Variants in PRDM1 observed in about 807,000 individuals in gnomAD.
The protein encoded by PRDM1 is PR/SET domain 1, also known as PR domain zinc finger protein 1.
In PRDM1, 13 loss-of-function variants were observed where a neutral mutation model predicts 62.8. The ratio of observed to expected loss-of-function variants is 0.21; its 90% CI spans 0.13 to 0.33. PRDM1 has a LOEUF of 0.33. Among genes scored for constraint, PRDM1 ranks in the 10% least tolerant of loss-of-function variants. The probability of loss-of-function intolerance (pLI) is 1.00; values close to 1 mark genes in which losing one functional copy is unlikely to be tolerated. For synonymous variants in PRDM1, 396 were observed against 417.6 expected (o/e 0.95, Z 0.63); for missense variants, 895 against 1,058.8 (o/e 0.85, Z 2.15).
intron 1 of PRDM1, among the ~76,000 whole-genome samples, chr6:106,014,240 T>C (rs1582426178): frequency 6.6e-6 from 1 of 151,750 alleles, no homozygotes; most frequent in African/African-American, 2.4e-5. Flanking sequence ...GTTATTTCTT[T>C]GTAGAGACAG....
At chr6:106,044,255 T>A (rs1773042854), upstream of PRDM1, among the ~76,000 whole-genome samples, 1 of 151,242 alleles carries the variant, frequency 6.6e-6, no homozygotes, top group Non-Finnish European at 1.5e-5. Flanking sequence ...ATTCTATGAG[T>A]CTGGCTGACA....
chr6:106,024,074 T>C (rs1772733333), intron 1 of PRDM1, among the ~76,000 whole-genome samples: 1 of 151,802 alleles, frequency 6.6e-6, no homozygotes, highest in South Asian at 2.1e-4. Context: ...CCCAGGAGGT[T>C]GAGGCTGCAA....
chr6:106,106,856 A>C lies in PRDM1; in HGVS notation c.1903-55A>C. ...CCTGCCCCTCCCGTTGGCAACTCTT[A>C]ATCTTCTGGCCTTCCTGTCTCCCTT... On this transcript the variant is annotated intron_variant, in intron 6 of 6. Coordinates refer to ENST00000369096, the MANE Select transcript of PRDM1 (RefSeq NM_001198.4). This position sits in a 1 kb window ranked among gnomAD's most constrained non-coding sequence, Gnocchi z 4.4. 1.3e-6 allele frequency: 2 copies of C among 1,528,496 alleles called. No individual in the cohort carries two copies. The highest frequency in any genetic ancestry group is 1.8e-6 in the Non-Finnish European group (2 of 1,125,424). 94.7% of individuals were successfully genotyped at this position (1,528,496 alleles called of 1,614,324 possible).
At chr6:106,080,323 G>A (rs575326267) in intron 1 of PRDM1, among the ~76,000 whole-genome samples, 16 of 152,302 alleles carry the variant, frequency 1.1e-4, no homozygotes, top group South Asian at 2.1e-4. Flanking sequence ...TGATGTGCCC[G>A]TGAGCATGAT....
intron 1 of PRDM1, among the ~76,000 whole-genome samples, chr6:106,067,260 T>G (rs1773447512): frequency 1.3e-5 from 2 of 152,194 alleles, no homozygotes; most frequent in African/African-American, 4.8e-5. Flanking sequence ...GGTCAAAAAC[T>G]TAGTGGATAA....
Position 106,107,157 on chromosome 6 carries a change from G to C in PRDM1, c.2149G>C (p.Gly717Arg). 1 of 1,614,234 alleles carries C rather than the reference G, an allele frequency of 6.2e-7. No homozygotes were observed. The highest frequency in any genetic ancestry group is 8.5e-7 in the Non-Finnish European group (1 of 1,180,052). ...GAACTGCGCTGCGGCCCCGGCGCCT[G>C]GGCTGCCCTTGGAAGATCTGACCCG... ...KGNCAAAPAP[G>R]LPLEDLTRIN... is the part of the protein sequence containing the mutation. The change falls in exon 7 of 7, where the codon GGG becomes CGG. Residue 717 changes from glycine to arginine, a missense_variant. Physicochemically the swap from Gly to Arg is moderately radical, Grantham distance 125. Transcript: ENST00000369096.
At position 106,024,336 on chromosome 6, in the gene PRDM1, T is replaced by C. The variant is rs190816839; in HGVS notation, c.-67+30697T>C. 5.3e-5 allele frequency among the ~76,000 whole-genome samples: 8 copies of C among 152,322 alleles called. No individual in the cohort carries two copies. The East Asian group carries it at 1.2e-3, about 22-fold the overall frequency. ...ATTTCGAGAAATGGCCTTTAAACAA[T>C]TGTCATACGTTAATATATTATTGTT... is the stretch of plus-strand genomic sequence containing the variant. On this transcript the variant is annotated intron_variant, in intron 1 of 6. Coordinates refer to the PRDM1 transcript ENST00000652320.
intron 4 of PRDM1, chr6:106,100,014 A>G (rs1774223162): frequency 6.4e-6 from 1 of 155,164 alleles, no homozygotes; most frequent in Admixed American, 6.3e-5. Context: ...CTTTGTCATA[A>G]TTTTTCAATA....
intron 1 of PRDM1, among the ~76,000 whole-genome samples, chr6:106,034,526 T>C (rs1001651652): frequency 6.6e-6 from 1 of 151,980 alleles, no homozygotes; most frequent in Non-Finnish European, 1.5e-5. Context: ...TGTTTTAAAT[T>C]TCTACAAATT....
chr6:106,046,271 GC>G (rs1221447061), upstream of PRDM1: 1 of 152,224 alleles, frequency 6.6e-6, no homozygotes, highest in Admixed American at 6.5e-5. Flanking sequence ...GGGAGGGGAG[GC>G]AGCTGCTGCT....
rs1774531205 is a variant in PRDM1 at position 106,107,505 on chromosome 6, AT to A, written c.*23del. ...TCCTTAAGATTTTCAGAAAACACTT[AT>A]TTTGTTTCTTAAGTTATGACTTGGT... On this transcript the variant is annotated 3_prime_UTR_variant, in exon 7 of 7. Coordinates refer to ENST00000369096, the MANE Select transcript of PRDM1 (RefSeq NM_001198.4). The A allele has an allele frequency of 1.3e-6, 2 of 1,572,452 alleles. No homozygotes were observed. Among genetic ancestry groups the A allele is most frequent in the Middle Eastern group, 1.7e-4 (1 of 5,850 alleles).
intron 5 of PRDM1, 60 bp downstream of exon 5, chr6:106,105,993 G>T: frequency 1.3e-6 from 2 of 1,551,634 alleles, no homozygotes; most frequent in Non-Finnish European, 1.7e-6. Flanking sequence ...TTTGTATTTA[G>T]CTTGCTTTCC....
At position 106,086,465 on chromosome 6, in the gene PRDM1, A is replaced by G. The variant is rs2114614110; in HGVS notation, c.-89A>G. On this transcript the variant is annotated 5_prime_UTR_variant, in exon 1 of 7. Transcript: ENST00000369096. ...GGGCGGCCGGACGAAGCGAGGAGGG[A>G]CCGCCGAGGTGCGCGTCTGTGCGGC... 9.7e-6 allele frequency: 13 copies of G among 1,335,042 alleles called. No individual in the cohort carries two copies. The highest frequency in any genetic ancestry group is 1.3e-5 in the Non-Finnish European group (13 of 965,254). 82.7% of individuals were successfully genotyped at this position (1,335,042 alleles called of 1,614,324 possible). A position where few individuals can be genotyped will look rare whatever the true frequency, so the allele number is the denominator to read the frequency against.
Position 106,106,778 on chromosome 6 carries a change from G to C in PRDM1, c.1903-133G>C, listed in dbSNP as rs1774503421. On this transcript the variant is annotated intron_variant, in intron 6 of 6. Coordinates refer to ENST00000369096, the MANE Select transcript of PRDM1 (RefSeq NM_001198.4). This position sits in a 1 kb window ranked among gnomAD's most constrained non-coding sequence, Gnocchi z 4.4. ...CCCGTTTGCTTAATACCACACTGGA[G>C]GTGCCACAAGGAGGCTTCTCACCTC... 89 of 1,063,410 alleles carry C rather than the reference G, an allele frequency of 8.4e-5. 2 individuals carry two copies. The South Asian group carries it at 1.3e-3, about 16-fold the overall frequency. The allele number at this position is 1,063,410 out of a possible 1,614,324, so 65.9% of individuals were successfully genotyped here.
At position 106,088,328 on chromosome 6, in the gene PRDM1, A is replaced by C. The variant is rs1773866703; in HGVS notation, c.170A>C (p.Lys57Thr). 1.2e-6 allele frequency: 2 copies of C among 1,614,056 alleles called. No homozygotes were observed. The highest frequency in any genetic ancestry group is 1.1e-5 in the South Asian group (1 of 91,082). Residue 57 changes from lysine (K) to threonine (T), a missense_variant, in exon 2 of 7, where the codon AAG becomes ACG. This residue lies in a region of PRDM1 where 213 missense variants were observed against 283.9 expected (regional missense o/e 0.75). Transcript: ENST00000369096. The part of the protein sequence containing the change: ...TLWTEAEFEE[K>T]CTYIVNDHPW... Reference sequence around the variant, plus strand: ...TGGACAGAGGCTGAGTTTGAAGAGAAGTGTACATACATTGTGAACGACCAC... The same window carrying C: ...TGGACAGAGGCTGAGTTTGAAGAGACGTGTACATACATTGTGAACGACCAC...
At chr6:105,992,782 G>T (rs1303213672), upstream of PRDM1, among the ~76,000 whole-genome samples, 3 of 152,380 alleles carry the variant, frequency 2.0e-5, no homozygotes, top group East Asian at 5.8e-4. Flanking sequence ...AACCTCGAGA[G>T]CTGGACGTCC....
intron 2 of PRDM1, among the ~76,000 whole-genome samples, chr6:106,092,601 C>G (rs2114626129): frequency 6.6e-6 from 1 of 152,318 alleles, no homozygotes; most frequent in East Asian, 1.9e-4. Context: ...CAAAGATAAA[C>G]TGTTACAAAC....
At chr6:106,001,449 G>C (rs955732844) in intron 1 of PRDM1, among the ~76,000 whole-genome samples, 32 of 152,120 alleles carry the variant, frequency 2.1e-4, no homozygotes, top group African/African-American at 7.7e-4. Context: ...TATAGATATA[G>C]TTACCCATAT....
intron 1 of PRDM1, among the ~76,000 whole-genome samples, chr6:106,023,159 G>A (rs540274079): frequency 6.6e-6 from 1 of 152,322 alleles, no homozygotes; most frequent in South Asian, 2.1e-4. Flanking sequence ...AATTTGGTCA[G>A]TAGTGGGGAA....
Sources: gnomAD v4.1 joint callset for allele counts (sites outside exome capture counted in the v4.1 genomes callset) on GRCh38, gnomAD v4.1.1 for gene constraint, gnomAD v4.1.1 regional missense constraint, Gnocchi (gnomAD v3.1) non-coding constraint, MANE v1.5 for transcripts, NCBI Gene and HGNC (gene_info 2026-07-23, HGNC 2026-07-21) for gene names.